The following PTPRM variants were observed in gnomAD, a reference collection of about 807,000 sequenced individuals.
PTPRM encodes receptor-type tyrosine-protein phosphatase mu.
In PTPRM, 47 loss-of-function variants were observed where a neutral mutation model predicts 186.7. That is an observed-to-expected ratio of 0.25 (90% confidence interval 0.20 to 0.32). The LOEUF (loss-of-function observed/expected upper bound fraction) is 0.32. Among genes scored for constraint, PTPRM ranks in the 10% least tolerant of loss-of-function variants. PTPRM has a pLI of 1.00. For synonymous variants in PTPRM, 668 were observed against 674.9 expected, an observed-to-expected ratio of 0.99 and a Z score of 0.16; for missense variants, 1,494 against 1,865.0, an observed-to-expected ratio of 0.80 and a Z score of 3.66.
chr18:7,819,408 A>AAGATAGAAGC (rs1568175648), intron 2 of PTPRM, among the ~76,000 whole-genome samples: 1 of 152,192 alleles, frequency 6.6e-6, no homozygotes, highest in African/African-American at 2.4e-5. Flanking sequence ...CTGGCAGAAG[A>AAGATAGAAGC]GCACACCGAC....
At chr18:7,911,540 C>T (rs2050263682) in intron 4 of PTPRM, among the ~76,000 whole-genome samples, 1 of 152,144 alleles carries the variant, frequency 6.6e-6, no homozygotes, top group Non-Finnish European at 1.5e-5. Context: ...AATGTCTATT[C>T]AGATCCTTTC....
rs572277689 is a variant in PTPRM, at chr18:8,303,860, C to G, written c.2842+7405C>G. Among the ~76,000 whole-genome samples the G allele has an allele frequency of 1.6e-3, 243 of 152,270 alleles. 1 individual carries two copies. The highest frequency in any genetic ancestry group is 5.7e-3 in the African/African-American group (237 of 41,558). The stretch of plus-strand genomic sequence containing the variant: ...GGTGGCATCTCCACCGGGTAAGGCG[C>G]CAAGCACTTCCTGAGTTGCAGGCAC... On this transcript the variant is annotated intron_variant, in intron 20 of 32. Coordinates refer to ENST00000580170, the MANE Select transcript of PTPRM (RefSeq NM_001105244.2).
rs199835832 is a variant in PTPRM at position 8,120,492 on chromosome 18, C to CTT, written c.2167+5679_2167+5680dup. ...TCTTTTTCTTTTTCTTTCTTTCTTT[C>CTT]TTTTTTTTTTTTTTTCTTGAGACAG... On this transcript the variant is annotated intron_variant, in intron 13 of 32. Transcript: ENST00000580170. Among the ~76,000 whole-genome samples, 46 of 136,582 alleles carry CTT rather than the reference C, an allele frequency of 3.4e-4. 1 individual carries two copies. Among genetic ancestry groups the CTT allele is most frequent in the African/African-American group, 9.5e-4 (35 of 36,690 alleles). The allele number at this position is 136,582 out of a possible 152,430, so 89.6% of individuals were successfully genotyped here. A position where few individuals can be genotyped will look rare whatever the true frequency, so the allele number is the denominator to read the frequency against.
chr18:7,628,152 A>G (rs2038105244), intron 1 of PTPRM, among the ~76,000 whole-genome samples: 1 of 151,860 alleles, frequency 6.6e-6, no homozygotes, highest in Non-Finnish European at 1.5e-5. Context: ...AGACTCCATC[A>G]CACACACACA....
chr18:8,042,122 G>C (rs552997968), intron 7 of PTPRM, among the ~76,000 whole-genome samples: 18 of 152,280 alleles, frequency 1.2e-4, no homozygotes, highest in African/African-American at 4.1e-4. Context: ...GATTTTGATT[G>C]TGGAGGAGTA....
intron 1 of PTPRM, among the ~76,000 whole-genome samples, chr18:7,644,987 A>G (rs952566476): frequency 1.3e-5 from 2 of 152,212 alleles, no homozygotes; most frequent in Admixed American, 6.5e-5. Context: ...TAAGTATTCA[A>G]TATATGTTTG....
intron 2 of PTPRM, among the ~76,000 whole-genome samples, chr18:7,846,292 G>T (rs2145889852): frequency 6.6e-6 from 1 of 152,266 alleles, no homozygotes; most frequent in South Asian, 2.1e-4. Flanking sequence ...TACAGCAGTG[G>T]TGTTTTTGGT....
intron 7 of PTPRM, among the ~76,000 whole-genome samples, chr18:8,009,376 T>C (rs1047874713): frequency 2.0e-5 from 3 of 151,942 alleles, no homozygotes; most frequent in Non-Finnish European, 4.4e-5. Flanking sequence ...CCTACTTAAC[T>C]TGGAGTCCTG....
In PTPRM at chr18:7,692,777, A is replaced by G. The variant is rs1022335918; in HGVS notation, c.74-81372A>G. Among the ~76,000 whole-genome samples the G allele has an allele frequency of 2.6e-5, 4 of 152,206 alleles. 1 individual carries two copies. Among genetic ancestry groups the G allele is most frequent in the Admixed American group, 2.0e-4 (3 of 15,286 alleles). On this transcript the variant is annotated intron_variant, in intron 1 of 32. Coordinates refer to ENST00000580170, the MANE Select transcript of PTPRM (RefSeq NM_001105244.2). ...CATGCCATACCTCGTGTCCACCACA[A>G]TGTATGGATTACCTGATGATTGGAG...
At chr18:8,237,539 C>G (rs756926562) in intron 14 of PTPRM, among the ~76,000 whole-genome samples, 4 of 149,804 alleles carry the variant, frequency 2.7e-5, no homozygotes, top group African/African-American at 9.8e-5. Context: ...ACCTCAACCT[C>G]CCGGGTTCAA....
At chr18:8,130,356 TG>T (rs1260956815) in intron 13 of PTPRM, among the ~76,000 whole-genome samples, 1 of 152,190 alleles carries the variant, frequency 6.6e-6, no homozygotes, top group Non-Finnish European at 1.5e-5. Flanking sequence ...CTGGAAAGCC[TG>T]GGCTCCATGA....
At chr18:8,387,769 C>CCT in intron 31 of PTPRM, among the ~76,000 whole-genome samples, 1 of 151,698 alleles carries the variant, frequency 6.6e-6, no homozygotes, top group Non-Finnish European at 1.5e-5. Context: ...TGTGTGTGCG[C>CCT]GCGCGTGCAT....
intron 2 of PTPRM, among the ~76,000 whole-genome samples, chr18:7,858,943 T>G (rs1414639512): frequency 6.6e-6 from 1 of 152,246 alleles, no homozygotes; most frequent in Non-Finnish European, 1.5e-5. Flanking sequence ...TACTTGTTAC[T>G]GTAATTATAT....
intron 14 of PTPRM, among the ~76,000 whole-genome samples, chr18:8,219,321 G>A (rs2094127038): frequency 6.6e-6 from 1 of 152,060 alleles, no homozygotes; most frequent in Admixed American, 6.6e-5. Context: ...CAAAAAATTA[G>A]CCGGGCGTGG....
intron 2 of PTPRM, among the ~76,000 whole-genome samples, chr18:7,844,046 T>G (rs1318841503): frequency 2.6e-5 from 4 of 152,170 alleles, no homozygotes; most frequent in Non-Finnish European, 5.9e-5. Context: ...TGGTCACTGC[T>G]GCACTGCCGT....
At chr18:7,882,044 G>A (rs1292876767) in intron 2 of PTPRM, among the ~76,000 whole-genome samples, 1 of 151,950 alleles carries the variant, frequency 6.6e-6, no homozygotes, top group Non-Finnish European at 1.5e-5. Flanking sequence ...ATGCTATATT[G>A]TTTACTCTTT....
intron 2 of PTPRM, among the ~76,000 whole-genome samples, chr18:7,784,954 TGGGAGCACCCAAGA>T (rs1329825883): frequency 6.6e-6 from 1 of 151,678 alleles, no homozygotes; most frequent in East Asian, 1.9e-4. Flanking sequence ...TTCCAGGAGG[TGGGAGCACCCAAGA>T]GGGGCAAGAG....
At chr18:8,066,963 A>G (rs746802012) in intron 7 of PTPRM, among the ~76,000 whole-genome samples, 1 of 152,260 alleles carries the variant, frequency 6.6e-6, no homozygotes, top group Non-Finnish European at 1.5e-5. Flanking sequence ...GTACACAGAC[A>G]GAAGCCTTTG....
At chr18:8,372,826 TA>T (rs576190401) in intron 24 of PTPRM, among the ~76,000 whole-genome samples, 7 of 151,666 alleles carry the variant, frequency 4.6e-5, no homozygotes, top group East Asian at 3.9e-4. Flanking sequence ...TTTTTTTCTT[TA>T]AAAAAAAATC....
Sources: allele counts gnomAD v4.1 joint callset (sites outside exome capture counted in the v4.1 genomes callset), GRCh38; gene constraint gnomAD v4.1.1; transcripts MANE v1.5; gene names NCBI Gene and HGNC (gene_info 2026-07-23, HGNC 2026-07-21).